RPA1: variants seen among roughly 807,000 people sequenced by gnomAD.
RPA1 encodes replication protein A 70 kDa DNA-binding subunit.
A neutral mutation model predicts 83.0 loss-of-function variants in RPA1; 49 were observed. That is an observed-to-expected ratio of 0.59 (90% CI 0.47 to 0.75). RPA1 has a LOEUF of 0.75. Among genes scored for constraint, RPA1 ranks in the 30% least tolerant of loss-of-function variants. The pLI, the probability that RPA1 is intolerant of heterozygous loss-of-function variation, is 0.00. For missense variants in RPA1, 693 were observed against 776.1 expected (o/e 0.89, Z 1.27); for synonymous variants, 279 against 281.8 (o/e 0.99, Z 0.10).
chr17:1,879,435 A>T (rs550791322), intron 10 of RPA1, 28 bp downstream of exon 10: 1 of 1,612,182 alleles, frequency 6.2e-7, no homozygotes. Flanking sequence ...AAGGAAGAGC[A>T]GGGATGACTA....
At chr17:1,876,446 TCAGGAG>T (rs1371449746) in intron 7 of RPA1, among the ~76,000 whole-genome samples, 1 of 152,108 alleles carries the variant, frequency 6.6e-6, no homozygotes, top group African/African-American at 2.4e-5. Flanking sequence ...TCCCCGCTAC[TCAGGAG>T]GCTGAGGCAG....
chr17:1,896,996 C>A, intron 16 of RPA1, 75 bp from the exon 17 acceptor site: 1 of 1,277,040 alleles, frequency 7.8e-7, no homozygotes, highest in Non-Finnish European at 1.1e-6. Context: ...CTCACTGAAA[C>A]CACTGAAGCA....
chr17:1,842,706 A>G (rs1387625604), intron 1 of RPA1, 97 bp from the exon 2 acceptor site: 11 of 1,067,200 alleles, frequency 1.0e-5, no homozygotes, highest in Admixed American at 6.0e-5. Flanking sequence ...TCTTTTAACA[A>G]TCTTATCTAT....
At chr17:1,833,336 T>A (rs146658825) in intron 1 of RPA1, among the ~76,000 whole-genome samples, 4,971 of 152,248 alleles carry the variant, frequency 0.033, 120 homozygotes, top group Non-Finnish European at 0.049. Flanking sequence ...GCTGAATAAA[T>A]GCTTGCTAGT....
chr17:1,847,460 C>T (rs567428661), intron 4 of RPA1, among the ~76,000 whole-genome samples: 1 of 152,332 alleles, frequency 6.6e-6, no homozygotes, highest in East Asian at 1.9e-4. Context: ...CTGGGCTTTG[C>T]CTGATGGCAC....
At chr17:1,867,521 A>G (rs1913222845) in intron 5 of RPA1, among the ~76,000 whole-genome samples, 1 of 151,286 alleles carries the variant, frequency 6.6e-6, no homozygotes, top group African/African-American at 2.4e-5. Flanking sequence ...GGCCTGGGCA[A>G]CATAGTGAGA....
chr17:1,863,336 C>G (rs989550750), intron 5 of RPA1, among the ~76,000 whole-genome samples: 5 of 151,872 alleles, frequency 3.3e-5, no homozygotes, highest in African/African-American at 1.2e-4. Flanking sequence ...CTCAGCCTCC[C>G]GAGTAGCTGG....
At chr17:1,861,505 G>A (rs1000266833) in intron 5 of RPA1, among the ~76,000 whole-genome samples, 16 of 152,120 alleles carry the variant, frequency 1.1e-4, no homozygotes, top group African/African-American at 3.1e-4. Flanking sequence ...ATATTTTTGC[G>A]AGGTGTGTCC....
In RPA1 at chr17:1,831,889, G is replaced by A. The variant is rs578253232; in HGVS notation, c.33+1763G>A. Among the ~76,000 whole-genome samples the A allele has an allele frequency of 7.2e-5, 10 of 138,490 alleles. No homozygotes were observed. The South Asian group carries it at 1.1e-3, about 16-fold the overall frequency. 90.9% of individuals were successfully genotyped at this position (138,490 alleles called of 152,430 possible). A position where few individuals can be genotyped will look rare whatever the true frequency, so the allele number is the denominator to read the frequency against. The stretch of plus-strand genomic sequence containing the variant: ...GTTGGGGTTACAGGCGTGAGCCACT[G>A]TGCCCGGCCTTTTTTTTTTTTTTTT... On this transcript the variant is annotated intron_variant, in intron 1 of 16. Coordinates refer to ENST00000254719, the MANE Select transcript of RPA1 (RefSeq NM_002945.5).
intron 5 of RPA1, among the ~76,000 whole-genome samples, chr17:1,868,235 G>T (rs1423279896): frequency 6.6e-6 from 1 of 152,162 alleles, no homozygotes; most frequent in East Asian, 1.9e-4. Context: ...CTCGAATTTC[G>T]TTGTAACCAG....
At chr17:1,844,052 C>T in intron 3 of RPA1, 54 bp downstream of exon 3, 1 of 1,502,836 alleles carries the variant, frequency 6.7e-7, no homozygotes, top group Non-Finnish European at 9.2e-7. Flanking sequence ...AGTAGAAGCA[C>T]ACCTGGTCCT....
chr17:1,886,465 ACT>A (rs1331343518), intron 13 of RPA1, among the ~76,000 whole-genome samples: 2 of 152,026 alleles, frequency 1.3e-5, no homozygotes, highest in Non-Finnish European at 2.9e-5. Flanking sequence ...ATTGATTTCT[ACT>A]CTCTAGGACG....
At position 1,895,346 on chromosome 17, in the gene RPA1, TTATTTTTA is replaced by T. The variant is rs1263622702; in HGVS notation, c.1746+253_1746+260del. 4.8e-5 allele frequency among the ~76,000 whole-genome samples: 7 copies of T among 145,194 alleles called. No homozygotes were observed. The East Asian group carries it at 1.5e-3, about 30-fold the overall frequency. On this transcript the variant is annotated intron_variant, in intron 16 of 16. Transcript: ENST00000254719. Reference sequence around the variant, plus strand: ...GGATTTTTTTGTTTGTTTATTTTTTTTATTTTTATTTTTTTTCAGTTAAATCCTAGGAT... The same window carrying T: ...GGATTTTTTTGTTTGTTTATTTTTTTTTTTTTTTCAGTTAAATCCTAGGAT...
intron 1 of RPA1, among the ~76,000 whole-genome samples, chr17:1,832,697 A>C (rs1911668024): frequency 6.6e-6 from 1 of 152,048 alleles, no homozygotes; most frequent in African/African-American, 2.4e-5. Flanking sequence ...CCATTCACTT[A>C]TTAGATGCAT....
intron 5 of RPA1, among the ~76,000 whole-genome samples, chr17:1,862,037 C>T (rs931432620): frequency 2.0e-5 from 3 of 151,750 alleles, no homozygotes; most frequent in African/African-American, 4.9e-5. Flanking sequence ...ACTACAGGCA[C>T]CCACCACCAT....
chr17:1,865,126 G>A (rs938092753), intron 5 of RPA1, among the ~76,000 whole-genome samples: 4 of 152,192 alleles, frequency 2.6e-5, no homozygotes, highest in Admixed American at 2.0e-4. Flanking sequence ...TGAGGTAGAG[G>A]AAACTGTTGT....
intron 3 of RPA1, among the ~76,000 whole-genome samples, chr17:1,844,373 A>G (rs1275085164): frequency 6.6e-6 from 1 of 152,222 alleles, no homozygotes; most frequent in Non-Finnish European, 1.5e-5. Context: ...GATTTTGGCC[A>G]CTTTAACAAA....
At chr17:1,831,600 C>CTT (rs397856863) in intron 1 of RPA1, among the ~76,000 whole-genome samples, 10 of 140,616 alleles carry the variant, frequency 7.1e-5, no homozygotes, top group African/African-American at 1.0e-4. Flanking sequence ...GGCCTTTGAA[C>CTT]TTTTTTTTTT....
chr17:1,881,343 A>AT (rs1427546508), intron 12 of RPA1, among the ~76,000 whole-genome samples: 3 of 152,146 alleles, frequency 2.0e-5, no homozygotes, highest in Non-Finnish European at 4.4e-5. Context: ...GCTGTAGTCT[A>AT]TGGGGGGGAA....
Sources: allele counts gnomAD v4.1 joint callset (sites outside exome capture counted in the v4.1 genomes callset), GRCh38; gene constraint gnomAD v4.1.1; transcripts MANE v1.5; gene names NCBI Gene and HGNC (gene_info 2026-07-23, HGNC 2026-07-21).